Variants in GLYATL1 observed in about 807,000 individuals in gnomAD.
The protein encoded by GLYATL1 is glycine N-acyltransferase-like protein 1.
In GLYATL1, 15 loss-of-function variants were observed where a neutral mutation model predicts 20.0. The ratio of observed to expected loss-of-function variants is 0.75; its 90% CI spans 0.50 to 1.15. The LOEUF (loss-of-function observed/expected upper bound fraction) is 1.15, where lower values mean the gene tolerates loss of function less well. Among genes scored for constraint, GLYATL1 ranks in the 50% most tolerant of loss-of-function variants. GLYATL1 has a pLI of 0.00. For missense variants in GLYATL1, 380 were observed against 368.5 expected, an observed-to-expected ratio of 1.03 and a Z score of -0.26; for synonymous variants, 151 against 131.5, an observed-to-expected ratio of 1.15 and a Z score of -1.01.
downstream of GLYATL1, among the ~76,000 whole-genome samples, chr11:58,913,543 C>G (rs1175297077): frequency 6.6e-6 from 1 of 152,160 alleles, no homozygotes; most frequent in African/African-American, 2.4e-5. Context: ...ACACTTCTTA[C>G]AAAACTACTT....
chr11:58,937,272 G>T (rs1212387427), upstream of GLYATL1, among the ~76,000 whole-genome samples: 1 of 152,184 alleles, frequency 6.6e-6, no homozygotes, highest in Non-Finnish European at 1.5e-5. Flanking sequence ...AATCACCAAA[G>T]CTCCTGAATT....
intron 1 of GLYATL1, among the ~76,000 whole-genome samples, chr11:58,915,623 G>A (rs969055559): frequency 6.6e-6 from 1 of 152,198 alleles, no homozygotes; most frequent in Admixed American, 6.5e-5. Flanking sequence ...TATCCTGTGG[G>A]TTAGGGCTCA....
intron 1 of GLYATL1, among the ~76,000 whole-genome samples, chr11:58,916,754 A>G (rs146619153): frequency 8.5e-5 from 13 of 152,388 alleles, no homozygotes; most frequent in African/African-American, 3.1e-4. Context: ...GGCATTTTAA[A>G]GAAAGAATTG....
At chr11:58,952,066 C>A (rs1857035300) in intron 4 of GLYATL1, among the ~76,000 whole-genome samples, 1 of 130,288 alleles carries the variant, frequency 7.7e-6, no homozygotes, top group Non-Finnish European at 1.7e-5. Context: ...TAGTTCTATA[C>A]TTGTCTCATC....
exon 2 of GLYATL1, chr11:58,908,364 T>G (rs76883410): frequency 3.9e-5 from 6 of 153,060 alleles, no homozygotes; most frequent in Admixed American, 3.3e-4. Context: ...ATAGATCTTG[T>G]TTTTTTGTTT....
intron 1 of GLYATL1, chr11:58,905,758 G>GGGCC: frequency 3.6e-5 from 1 of 27,562 alleles, no homozygotes; most frequent in Non-Finnish European, 7.0e-5. Flanking sequence ...GGGCGGGTGG[G>GGGCC]CGCGCAGTCC....
intron 3 of GLYATL1, 123 bp from the exon 4 acceptor site, chr11:58,947,735 C>A: frequency 2.9e-6 from 2 of 699,616 alleles, no homozygotes; most frequent in South Asian, 1.6e-5. Flanking sequence ...TACTGCTCAT[C>A]TCACCATCAC....
intron 2 of GLYATL1, among the ~76,000 whole-genome samples, chr11:58,943,977 G>A (rs12292314): frequency 0.16 from 23,296 of 148,296 alleles, 1,987 homozygotes; most frequent in East Asian, 0.31. Flanking sequence ...TTTTTTGTGC[G>A]CCTAGGTAGG....
chr11:58,907,485 T>C (rs1854928860), exon 2 of GLYATL1: 2 of 408,374 alleles, frequency 4.9e-6, no homozygotes, highest in South Asian at 3.6e-5. Flanking sequence ...TTTTGTTTGT[T>C]TTGTTTTGTT....
chr11:58,905,717 G>C (rs903058946), intron 1 of GLYATL1: 20 of 414,560 alleles, frequency 4.8e-5, no homozygotes, highest in South Asian at 2.9e-4. Context: ...CGCTGGGACC[G>C]GGATGGGTCA....
chr11:58,917,472 T>C (rs544687), intron 1 of GLYATL1, among the ~76,000 whole-genome samples: 82,048 of 152,158 alleles, frequency 0.54, 22,785 homozygotes, highest in African/African-American at 0.68. Context: ...CGTAGTGGCA[T>C]GCAAGCAAGG....
intron 1 of GLYATL1, among the ~76,000 whole-genome samples, chr11:58,920,152 T>G (rs1320596628): frequency 6.6e-6 from 1 of 152,172 alleles, no homozygotes; most frequent in African/African-American, 2.4e-5. Flanking sequence ...GCTTCTAGTG[T>G]TCCTGATTTT....
At chr11:58,940,733 T>C (rs1386490868) in intron 1 of GLYATL1, among the ~76,000 whole-genome samples, 1 of 152,144 alleles carries the variant, frequency 6.6e-6, no homozygotes, top group African/African-American at 2.4e-5. Flanking sequence ...GGCACAGAAG[T>C]TTATAAAGTT....
chr11:58,930,447 T>G (rs982714449), intron 1 of GLYATL1, among the ~76,000 whole-genome samples: 2 of 152,176 alleles, frequency 1.3e-5, no homozygotes, highest in Non-Finnish European at 2.9e-5. Context: ...ACAAAGCATA[T>G]TCATGAAATA....
At chr11:58,937,983 A>T (rs1855911082), upstream of GLYATL1, among the ~76,000 whole-genome samples, 1 of 152,202 alleles carries the variant, frequency 6.6e-6, no homozygotes, top group Admixed American at 6.5e-5. Flanking sequence ...CAGGGGTTCA[A>T]AGGTGGCCAA....
intron 2 of GLYATL1, among the ~76,000 whole-genome samples, chr11:58,945,398 T>A (rs1209551152): frequency 1.3e-5 from 2 of 152,086 alleles, no homozygotes; most frequent in South Asian, 4.1e-4. Flanking sequence ...AGAGCAATAT[T>A]AAGTATGAGG....
At chr11:58,950,492 CTG>C (rs1323232447) in intron 4 of GLYATL1, among the ~76,000 whole-genome samples, 1 of 152,190 alleles carries the variant, frequency 6.6e-6, no homozygotes, top group Non-Finnish European at 1.5e-5. Context: ...TGGGTTCAAA[CTG>C]TTCATACTTC....
chr11:58,956,165 T>C lies in GLYATL1; in HGVS notation c.*138T>C. ...GAACTCTTCTCACCTGGAGCCTTGA[T>C]GTTAAAAGACACAGCCATGCTCTTG... On this transcript the variant is annotated 3_prime_UTR_variant, in exon 7 of 7. Transcript: ENST00000532726. The C allele has an allele frequency of 2.6e-6, 2 of 763,218 alleles. No individual in the cohort carries two copies. The highest frequency in any genetic ancestry group is 3.8e-5 in the South Asian group (2 of 53,118). The allele number at this position is 763,218 out of a possible 1,614,324, so 47.3% of individuals were successfully genotyped here. A position where few individuals can be genotyped will look rare whatever the true frequency, so the allele number is the denominator to read the frequency against.
rs145586643 is a variant in GLYATL1, at chr11:58,955,387, G to T, written c.491+34G>T. Reference sequence around the variant, plus strand: ...ACATGTGCTGATCATTTATAATTGCGATTCCTTGTACATTTTTGTAATTCA... The same window carrying T: ...ACATGTGCTGATCATTTATAATTGCTATTCCTTGTACATTTTTGTAATTCA... On this transcript the variant is annotated intron_variant, in intron 6 of 6. Transcript: ENST00000532726. 6,242 of 1,569,482 alleles carry T rather than the reference G, an allele frequency of 4.0e-3. 158 individuals carry two copies. The South Asian group carries it at 0.042, about 10-fold the overall frequency.
Sources: allele counts gnomAD v4.1 joint callset (sites outside exome capture counted in the v4.1 genomes callset), GRCh38; gene constraint gnomAD v4.1.1; transcripts MANE v1.5; gene names NCBI Gene and HGNC (gene_info 2026-07-23, HGNC 2026-07-21).